STARD9: variants seen among roughly 807,000 people sequenced by gnomAD.
STARD9 encodes the protein StAR related lipid transfer domain containing 9.
In STARD9, 346 loss-of-function variants were observed where a neutral mutation model predicts 399.8. The ratio of observed to expected loss-of-function variants is 0.87; its 90% CI spans 0.79 to 0.95. The LOEUF (loss-of-function observed/expected upper bound fraction) is 0.95, where lower values mean the gene tolerates loss of function less well. Ranked by LOEUF, STARD9 falls within the 40% of genes least tolerant of loss-of-function variation. STARD9 has a pLI of 0.00. For missense variants in STARD9, 5,832 were observed against 5,667.5 expected (o/e 1.03, Z -0.93); for synonymous variants, 2,203 against 2,143.5 (o/e 1.03, Z -0.77).
intron 7 of STARD9, among the ~76,000 whole-genome samples, chr15:42,648,135 G>A (rs2059682725): frequency 6.6e-6 from 1 of 152,166 alleles, no homozygotes. Flanking sequence ...CTCTAGTGTG[G>A]ATCTGCTATT....
intron 3 of STARD9, among the ~76,000 whole-genome samples, chr15:42,631,205 T>A (rs75079841): frequency 3.3e-5 from 5 of 152,152 alleles, no homozygotes; most frequent in African/African-American, 1.2e-4. Flanking sequence ...TTTTTTGATA[T>A]AGATGCTTAT....
chr15:42,622,981 G>A (rs2059120985), intron 3 of STARD9, among the ~76,000 whole-genome samples: 1 of 152,182 alleles, frequency 6.6e-6, no homozygotes, highest in Admixed American at 6.5e-5. Context: ...GCCAGGCGTG[G>A]TAGCTCACGC....
chr15:42,588,432 C>T (rs2058323874), intron 3 of STARD9, among the ~76,000 whole-genome samples: 1 of 152,120 alleles, frequency 6.6e-6, no homozygotes, highest in Non-Finnish European at 1.5e-5. Context: ...GAAGCCTGTG[C>T]AGAGAGATAA....
rs1192893909 is a variant in STARD9, at chr15:42,669,226, T to C, written c.1386T>C (p.Ser462=). The C allele has an allele frequency of 1.3e-6, 2 of 1,536,946 alleles. No individual in the cohort carries two copies. Among genetic ancestry groups the C allele is most frequent in the East Asian group, 4.9e-5 (2 of 40,924 alleles). ...NDWQALMEHY[S]VDINRRRAGV... ...GGCAGGCCCTCATGGAGCATTACAG[T>C]GTGGACATCAACAGGAGGAGGGCTG... Residue 462 remains serine, a synonymous_variant, in exon 16 of 33, where the codon AGT becomes AGC. Transcript: ENST00000290607.
chr15:42,581,570 G>T, intron 1 of STARD9: 1 of 946,032 alleles, frequency 1.1e-6, no homozygotes, highest in Middle Eastern at 3.2e-4. Flanking sequence ...TAGGGCGGGT[G>T]GAAAAGCGAG....
Position 42,580,449 on chromosome 15 carries a change from C to G in STARD9, c.48-2897C>G, listed in dbSNP as rs117506318. 2.8e-3 allele frequency among the ~76,000 whole-genome samples: 425 copies of G among 152,258 alleles called. 1 individual carries two copies. Among genetic ancestry groups the G allele is most frequent in the Non-Finnish European group, 5.2e-3 (357 of 68,018 alleles). ...CCCCATTTCTTCCCAAGCACAACAA[C>G]AAGAAGCCAGGCAGTTGTAGGTTGG... On this transcript the variant is annotated intron_variant, in intron 1 of 32. Transcript: ENST00000290607.
chr15:42,676,603 A>T (rs529322354), intron 20 of STARD9, among the ~76,000 whole-genome samples: 139 of 152,310 alleles, frequency 9.1e-4, no homozygotes, highest in Non-Finnish European at 1.7e-3. Context: ...TATGGGATTG[A>T]TGGCAACTAC....
intron 9 of STARD9, among the ~76,000 whole-genome samples, chr15:42,660,822 T>TG: frequency 6.6e-6 from 1 of 152,194 alleles, no homozygotes; most frequent in Admixed American, 6.5e-5. Flanking sequence ...CAGAGCCCCC[T>TG]GGGAGGGAGT....
At chr15:42,599,661 G>A (rs896469805) in intron 3 of STARD9, among the ~76,000 whole-genome samples, 6 of 152,200 alleles carry the variant, frequency 3.9e-5, no homozygotes, top group African/African-American at 1.2e-4. Flanking sequence ...ATTAGTCTGA[G>A]TGATCCTTGA....
chr15:42,674,768 T>C (rs569643823), intron 17 of STARD9, 59 bp from the exon 18 acceptor site: 1 of 1,466,446 alleles, frequency 6.8e-7, no homozygotes, highest in East Asian at 2.5e-5. Context: ...CAGAAAGAAA[T>C]GGAGAGGGTG....
At chr15:42,630,645 T>C (rs1287633286) in intron 3 of STARD9, among the ~76,000 whole-genome samples, 3 of 152,184 alleles carry the variant, frequency 2.0e-5, no homozygotes, top group Non-Finnish European at 4.4e-5. Flanking sequence ...TTCGTCATGG[T>C]TCAATTTTGG....
chr15:42,690,368 C>A lies in STARD9; in HGVS notation c.8790C>A (p.Phe2930Leu). The change falls in exon 23 of 33, where the codon TTC (phenylalanine) becomes TTA (leucine). Residue 2930 changes from phenylalanine (F) to leucine (L), a missense_variant. Physicochemically the swap from Phe to Leu is conservative, Grantham distance 22 (BLOSUM62 0). Transcript: ENST00000290607. ...GGGAAGCTTTAGATGGCCCTGTCTT[C>A]TCAAGGAACCCTGAAGGCAGCAGGA... ...HPREALDGPV[F>L]SRNPEGSRTL... is the part of the protein sequence containing the mutation. 6.5e-7 allele frequency: 1 copy of A among 1,537,246 alleles called. No homozygotes were observed. The highest frequency in any genetic ancestry group is 1.2e-5 in the South Asian group (1 of 84,062).
chr15:42,686,190 G>A lies in STARD9; in HGVS notation c.4612G>A (p.Val1538Ile), dbSNP rs768784150. ...GDTLLPVGPR[V>I]SSNLNLNNFP... The stretch of plus-strand genomic sequence containing the variant: ...TACTCTATTGCCAGTTGGCCCTAGG[G>A]TATCTAGCAATCTGAATCTCAACAA... Residue 1538 changes from valine (V) to isoleucine (I), a missense_variant, in exon 23 of 33, where the codon GTA becomes ATA. Coordinates refer to ENST00000290607, the MANE Select transcript of STARD9 (RefSeq NM_020759.3). 2.0e-6 allele frequency: 3 copies of A among 1,537,556 alleles called. No individual in the cohort carries two copies. Among genetic ancestry groups the A allele is most frequent in the African/African-American group, 1.4e-5 (1 of 73,144 alleles).
At chr15:42,639,483 A>G (rs1308161396) in intron 7 of STARD9, among the ~76,000 whole-genome samples, 3 of 152,168 alleles carry the variant, frequency 2.0e-5, no homozygotes, top group Non-Finnish European at 4.4e-5. Flanking sequence ...TCTGTCTTAT[A>G]TCATTAAGGT....
intron 3 of STARD9, among the ~76,000 whole-genome samples, chr15:42,623,456 C>T (rs1385751916): frequency 6.6e-6 from 1 of 152,184 alleles, no homozygotes. Context: ...GGACTGAAGA[C>T]AGTGTTTGAA....
Position 42,685,971 on chromosome 15 carries a change from G to C in STARD9, c.4393G>C (p.Val1465Leu), listed in dbSNP as rs544191740. ...ATCCCACAATTCTAGCGTATCAAACGTGCTGGCTGCCTCTGCCACCACCTT... is the reference window on the plus strand; with the variant it reads ...ATCCCACAATTCTAGCGTATCAAACCTGCTGGCTGCCTCTGCCACCACCTT... The part of the protein sequence containing the change: ...EASHNSSVSN[V>L]LAASATTLTH... The change falls in exon 23 of 33, where the codon GTG (valine) becomes CTG (leucine). Residue 1465 changes from valine (V) to leucine (L), a missense_variant. By Grantham distance (32) the Val-to-Leu change is conservative. Around this residue, in one of 2 missense-constraint regions of STARD9, gnomAD observed 5,828 missense variants for 5,651.1 expected, o/e 1.03. Coordinates refer to ENST00000290607, the MANE Select transcript of STARD9 (RefSeq NM_020759.3). The C allele has an allele frequency of 2.0e-6, 3 of 1,537,144 alleles. No homozygotes were observed. The highest frequency in any genetic ancestry group is 1.4e-5 in the African/African-American group (1 of 73,054).
At chr15:42,650,508 C>T (rs1354366223) in intron 7 of STARD9, among the ~76,000 whole-genome samples, 2 of 152,228 alleles carry the variant, frequency 1.3e-5, no homozygotes, top group African/African-American at 4.8e-5. Flanking sequence ...CGCCTCTGAT[C>T]TCCTCATCAT....
At chr15:42,699,392 C>CTTTTCTTTTTTTTTTTTTTT (rs1359323091) in intron 26 of STARD9, among the ~76,000 whole-genome samples, 5 of 113,294 alleles carry the variant, frequency 4.4e-5, no homozygotes, top group African/African-American at 1.6e-4. Context: ...TTTTTCTTTT[C>CTTTTCTTTTTTTTTTTTTTT]TTTTTTTTTT....
chr15:42,685,749 G>C lies in STARD9; in HGVS notation c.4171G>C (p.Val1391Leu). Residue 1391 changes from valine (V) to leucine (L), a missense_variant, in exon 23 of 33, where the codon GTT becomes CTT. By Grantham distance (32) the Val-to-Leu change is conservative (BLOSUM62 1). Transcript: ENST00000290607. ...ACTAAAGCCATCAGATGCAGAAACG[G>C]TTCTGCCATATAGCTCCAAACTGCA... ...EELKPSDAET[V>L]LPYSSKLHQG... 1 of 1,537,390 alleles carries C rather than the reference G, an allele frequency of 6.5e-7. No individual in the cohort carries two copies. The highest frequency in any genetic ancestry group is 8.7e-7 in the Non-Finnish European group (1 of 1,146,944).
Sources: allele counts gnomAD v4.1 joint callset (sites outside exome capture counted in the v4.1 genomes callset), GRCh38; gene constraint gnomAD v4.1.1; regional missense constraint gnomAD v4.1.1; transcripts MANE v1.5; gene names NCBI Gene and HGNC (gene_info 2026-07-23, HGNC 2026-07-21).